The following SLC35F1 variants were observed in gnomAD, a reference collection of about 807,000 sequenced individuals.
SLC35F1 encodes solute carrier family 35 member F1.
Under a neutral mutation model 48.7 loss-of-function variants are expected in SLC35F1, and 14 were observed. That is an observed-to-expected ratio of 0.29 (90% CI 0.19 to 0.45). The LOEUF (loss-of-function observed/expected upper bound fraction) is 0.45, where lower values mean the gene tolerates loss of function less well. Among genes scored for constraint, SLC35F1 ranks in the 20% least tolerant of loss-of-function variants. The probability of loss-of-function intolerance (pLI) is 1.00; values close to 1 mark genes in which losing one functional copy is unlikely to be tolerated. For synonymous variants in SLC35F1, 190 were observed against 202.2 expected, an observed-to-expected ratio of 0.94 and a Z score of 0.51; for missense variants, 404 against 500.0, an observed-to-expected ratio of 0.81 and a Z score of 1.83.
chr6:118,222,016 G>C (rs542027524), intron 2 of SLC35F1, among the ~76,000 whole-genome samples: 1 of 152,040 alleles, frequency 6.6e-6, no homozygotes, highest in African/African-American at 2.4e-5. Context: ...GCACATTACA[G>C]GTGGTTGATG....
At chr6:118,173,993 A>G (rs971895730) in intron 2 of SLC35F1, among the ~76,000 whole-genome samples, 6 of 152,208 alleles carry the variant, frequency 3.9e-5, no homozygotes, top group African/African-American at 1.2e-4. Flanking sequence ...AATTATTTGA[A>G]GACAATGGTA....
intron 1 of SLC35F1, among the ~76,000 whole-genome samples, chr6:117,908,254 CG>C (rs1025053140): frequency 1.2e-4 from 18 of 152,152 alleles, no homozygotes; most frequent in South Asian, 2.1e-4. Flanking sequence ...GATCGGGGGT[CG>C]GGGGGACGCG....
intron 7 of SLC35F1, among the ~76,000 whole-genome samples, chr6:118,285,991 G>A (rs1776044007): frequency 6.6e-6 from 1 of 152,084 alleles, no homozygotes; most frequent in Admixed American, 6.6e-5. Flanking sequence ...ATGACTAATT[G>A]ATTATGGCAC....
chr6:118,032,339 T>G (rs1372169315), intron 1 of SLC35F1, among the ~76,000 whole-genome samples: 2 of 152,198 alleles, frequency 1.3e-5, no homozygotes, highest in Non-Finnish European at 2.9e-5. Flanking sequence ...AGCAGAGATT[T>G]GTCAATTTTT....
At chr6:118,101,165 T>G (rs1277446787) in intron 1 of SLC35F1, among the ~76,000 whole-genome samples, 1 of 152,218 alleles carries the variant, frequency 6.6e-6, no homozygotes, top group Non-Finnish European at 1.5e-5. Context: ...TCCTGGCATT[T>G]CTGCAAATAA....
intron 4 of SLC35F1, among the ~76,000 whole-genome samples, chr6:118,274,237 G>A (rs574330209): frequency 2.0e-5 from 3 of 152,164 alleles, no homozygotes; most frequent in African/African-American, 7.2e-5. Flanking sequence ...AGACCACTTG[G>A]GTACAGAGCC....
intron 2 of SLC35F1, among the ~76,000 whole-genome samples, chr6:118,181,801 G>A (rs578102712): frequency 6.6e-6 from 1 of 152,124 alleles, no homozygotes; most frequent in African/African-American, 2.4e-5. Flanking sequence ...AGATATATTC[G>A]ATATAAACTT....
chr6:117,943,589 T>G (rs1158802411), intron 1 of SLC35F1, among the ~76,000 whole-genome samples: 1 of 152,180 alleles, frequency 6.6e-6, no homozygotes, highest in African/African-American at 2.4e-5. Flanking sequence ...ATAATTAAAA[T>G]TATCTTTCAA....
intron 1 of SLC35F1, among the ~76,000 whole-genome samples, chr6:118,024,374 A>C (rs551523198): frequency 6.6e-6 from 1 of 152,350 alleles, no homozygotes; most frequent in Admixed American, 6.5e-5. Context: ...GATGAAAAGA[A>C]AAGCATATAA....
chr6:118,264,083 A>G (rs1342418273), intron 3 of SLC35F1, among the ~76,000 whole-genome samples: 3 of 152,214 alleles, frequency 2.0e-5, no homozygotes, highest in African/African-American at 7.2e-5. Context: ...AGCCTCAACT[A>G]TTAAATACAA....
At chr6:118,015,101 C>T (rs1247695228) in intron 1 of SLC35F1, among the ~76,000 whole-genome samples, 1 of 152,190 alleles carries the variant, frequency 6.6e-6, no homozygotes, top group East Asian at 1.9e-4. Flanking sequence ...ATTCTCTCTT[C>T]CCTGTTGCCA....
intron 1 of SLC35F1, among the ~76,000 whole-genome samples, chr6:118,009,147 G>C (rs1274330572): frequency 3.9e-5 from 6 of 152,024 alleles, no homozygotes; most frequent in Non-Finnish European, 8.8e-5. Context: ...ACAAATATTT[G>C]CTGGGTGCCT....
chr6:118,090,469 G>T (rs962795183), intron 1 of SLC35F1, among the ~76,000 whole-genome samples: 3 of 152,136 alleles, frequency 2.0e-5, no homozygotes, highest in Non-Finnish European at 4.4e-5. Context: ...TATTAAGAAA[G>T]GCCTCTCCAA....
intron 3 of SLC35F1, among the ~76,000 whole-genome samples, chr6:118,252,879 T>C (rs550420437): frequency 6.6e-6 from 1 of 152,140 alleles, no homozygotes; most frequent in East Asian, 1.9e-4. Context: ...ACACTCAGGA[T>C]TCAGACCTGA....
At chr6:118,294,241 C>T (rs1776157277) in intron 7 of SLC35F1, among the ~76,000 whole-genome samples, 1 of 152,114 alleles carries the variant, frequency 6.6e-6, no homozygotes. Context: ...AAAGGCAAGC[C>T]TGGGGTCTCA....
At chr6:118,100,898 A>G (rs1773248346) in intron 1 of SLC35F1, among the ~76,000 whole-genome samples, 1 of 152,170 alleles carries the variant, frequency 6.6e-6, no homozygotes. Flanking sequence ...AGCATAAATT[A>G]TTAGTTGTGG....
chr6:118,305,951 G>T (rs1776306979), intron 7 of SLC35F1, among the ~76,000 whole-genome samples: 2 of 152,134 alleles, frequency 1.3e-5, no homozygotes, highest in South Asian at 2.1e-4. Context: ...TAATAGTACT[G>T]CCTGGATTGA....
At chr6:118,008,027 C>T (rs1028077278) in intron 1 of SLC35F1, among the ~76,000 whole-genome samples, 1 of 152,040 alleles carries the variant, frequency 6.6e-6, no homozygotes, top group Non-Finnish European at 1.5e-5. Context: ...CTCCATAGGC[C>T]CTTTCAACAC....
At chr6:118,213,829 T>G (rs768448231) in intron 2 of SLC35F1, among the ~76,000 whole-genome samples, 2 of 152,220 alleles carry the variant, frequency 1.3e-5, no homozygotes, top group Non-Finnish European at 2.9e-5. Flanking sequence ...CAAAAATGGT[T>G]TGCAAGGCAA....
Sources: allele counts gnomAD v4.1 joint callset (sites outside exome capture counted in the v4.1 genomes callset), GRCh38; gene constraint gnomAD v4.1.1; transcripts MANE v1.5; gene names NCBI Gene and HGNC (gene_info 2026-07-23, HGNC 2026-07-21).